ABLIM2: variants seen among roughly 807,000 people sequenced by gnomAD.
ABLIM2 encodes actin binding LIM protein family member 2, also known as actin-binding LIM protein 2.
ABLIM2 carries 53 observed loss-of-function variants against 97.7 expected under a neutral mutation model. That is an observed-to-expected ratio of 0.54 (90% confidence interval 0.44 to 0.68). The LOEUF (loss-of-function observed/expected upper bound fraction) is 0.68, where lower values mean the gene tolerates loss of function less well. Ranked by LOEUF, ABLIM2 falls within the 30% of genes least tolerant of loss-of-function variation. ABLIM2 has a pLI of 0.00. For missense variants in ABLIM2, 835 were observed against 867.2 expected (o/e 0.96, Z 0.47); for synonymous variants, 361 against 345.8 (o/e 1.04, Z -0.49).
At chr4:8,097,056 C>A in intron 3 of ABLIM2, 43 bp downstream of exon 3, 1 of 1,564,250 alleles carries the variant, frequency 6.4e-7, no homozygotes. Context: ...AGAAAAGGCC[C>A]AGAGAGGCAG....
At chr4:8,035,002 G>A (rs7435286) in intron 10 of ABLIM2, among the ~76,000 whole-genome samples, 105 of 116,944 alleles carry the variant, frequency 9.0e-4, no homozygotes, top group African/African-American at 3.0e-3. Flanking sequence ...AGGTCAGTGC[G>A]GGTGGGTGGT....
Position 8,130,561 on chromosome 4 carries a change from C to T in ABLIM2, c.11-23924G>A, listed in dbSNP as rs936127971. ...TGTGAGGTGGCGCCACGCTTGGCCCCGCATTACTGGGACTTGAAGGGAGGC... is the reference window on the plus strand; with the variant it reads ...TGTGAGGTGGCGCCACGCTTGGCCCTGCATTACTGGGACTTGAAGGGAGGC... On this transcript the variant is annotated intron_variant, in intron 1 of 20. Coordinates refer to ENST00000447017, the MANE Select transcript of ABLIM2 (RefSeq NM_001130083.2). The surrounding 1 kb of genome is among the most constrained non-coding windows in gnomAD (Gnocchi z 4.2). Among the ~76,000 whole-genome samples, 5 of 152,012 alleles carry T rather than the reference C, an allele frequency of 3.3e-5. No individual in the cohort carries two copies. Among genetic ancestry groups the T allele is most frequent in the Admixed American group, 2.0e-4 (3 of 15,276 alleles).
intron 6 of ABLIM2, among the ~76,000 whole-genome samples, chr4:8,064,145 C>T (rs1334739302): frequency 6.6e-6 from 1 of 152,222 alleles, no homozygotes; most frequent in Non-Finnish European, 1.5e-5. Context: ...GCCATTGCTC[C>T]ACAAGCGAGA....
In ABLIM2 at chr4:8,132,492, C is replaced by G. The variant is rs575870733; in HGVS notation, c.11-25855G>C. On this transcript the variant is annotated intron_variant, in intron 1 of 20. Transcript: ENST00000447017. This position sits in a 1 kb window ranked among gnomAD's most constrained non-coding sequence, Gnocchi z 8.0. ...CTGGAGAAGGACGCCCAGCCCTGGC[C>G]TTTCCTGAGCACTGGGCCCCCAGCT... is the stretch of plus-strand genomic sequence containing the variant. 5.7e-4 allele frequency among the ~76,000 whole-genome samples: 87 copies of G among 152,224 alleles called. No individual in the cohort carries two copies. The highest frequency in any genetic ancestry group is 2.0e-3 in the African/African-American group (83 of 41,526).
At chr4:8,141,282 A>C (rs1278812586) in intron 1 of ABLIM2, among the ~76,000 whole-genome samples, 2 of 152,130 alleles carry the variant, frequency 1.3e-5, no homozygotes, top group Non-Finnish European at 2.9e-5. Context: ...TAAGCAAACA[A>C]AAGCTATAAT....
At chr4:8,065,708 G>T (rs1806658884) in intron 6 of ABLIM2, among the ~76,000 whole-genome samples, 1 of 152,120 alleles carries the variant, frequency 6.6e-6, no homozygotes, top group African/African-American at 2.4e-5. Flanking sequence ...CAGATCACCA[G>T]AGGTCAGGAG....
intron 1 of ABLIM2, among the ~76,000 whole-genome samples, chr4:8,108,794 A>T (rs1371216181): frequency 6.6e-6 from 1 of 152,354 alleles, no homozygotes; most frequent in African/African-American, 2.4e-5. Flanking sequence ...CCCTTGCCAC[A>T]GCGGCTCTGA....
intron 3 of ABLIM2, among the ~76,000 whole-genome samples, chr4:8,090,184 G>A (rs1826383709): frequency 6.6e-6 from 1 of 152,208 alleles, no homozygotes; most frequent in South Asian, 2.1e-4. Flanking sequence ...CCGTGTCAAT[G>A]CTATGGTCTG....
intron 1 of ABLIM2, among the ~76,000 whole-genome samples, chr4:8,138,895 C>A (rs1353774220): frequency 6.6e-6 from 1 of 152,206 alleles, no homozygotes; most frequent in African/African-American, 2.4e-5. Flanking sequence ...TTCTGCACAG[C>A]AAAAGAAACT....
Position 8,155,611 on chromosome 4 carries a change from A to G in ABLIM2, c.10+3069T>C, listed in dbSNP as rs1715052829. ...TCTAAATTCATATGCTGAAGTCCTA[A>G]CCCCCAGTACTCCAGGATGTGACTA... is the stretch of plus-strand genomic sequence containing the variant. On this transcript the variant is annotated intron_variant, in intron 1 of 20. Coordinates refer to ENST00000447017, the MANE Select transcript of ABLIM2 (RefSeq NM_001130083.2). The surrounding 1 kb of genome is among the most constrained non-coding windows in gnomAD (Gnocchi z 4.2). 6.6e-6 allele frequency among the ~76,000 whole-genome samples: 1 copy of G among 151,836 alleles called. No homozygotes were observed. Among genetic ancestry groups the G allele is most frequent in the South Asian group, 2.1e-4 (1 of 4,810 alleles).
chr4:8,150,253 G>C lies in ABLIM2; in HGVS notation c.10+8427C>G, dbSNP rs145018683. The stretch of plus-strand genomic sequence containing the variant: ...GGGGACACTGAGGTCTGCAGAAGCA[G>C]AGGGTCAGAGAGACAGGCCAGGCTG... On this transcript the variant is annotated intron_variant, in intron 1 of 20. Coordinates refer to ENST00000447017, the MANE Select transcript of ABLIM2 (RefSeq NM_001130083.2). The surrounding 1 kb of genome is among the most constrained non-coding windows in gnomAD (Gnocchi z 6.3). Among the ~76,000 whole-genome samples the C allele has an allele frequency of 1.4e-4, 22 of 152,342 alleles. No individual in the cohort carries two copies. The highest frequency in any genetic ancestry group is 2.8e-4 in the Non-Finnish European group (19 of 68,032).
At position 8,005,305 on chromosome 4, in the gene ABLIM2, G is replaced by C. The variant is rs1194254228; in HGVS notation, c.1618+2754C>G. ...GGCGCCCCGCTCAGCGTCTGGCACA[G>C]AGTGGGTGCTCAATAAATACCCGTT... On this transcript the variant is annotated intron_variant, in intron 16 of 20. Transcript: ENST00000447017. This position sits in a 1 kb window ranked among gnomAD's most constrained non-coding sequence, Gnocchi z 4.9. 1.9e-6 allele frequency: 1 copy of C among 531,526 alleles called. No homozygotes were observed. Among genetic ancestry groups the C allele is most frequent in the Non-Finnish European group, 3.9e-6 (1 of 258,988 alleles). 32.9% of individuals were successfully genotyped at this position (531,526 alleles called of 1,614,324 possible).
chr4:8,156,508 G>A (rs1715413744), intron 1 of ABLIM2, among the ~76,000 whole-genome samples: 3 of 152,198 alleles, frequency 2.0e-5, no homozygotes, highest in South Asian at 4.1e-4. Flanking sequence ...GCATGGCCTC[G>A]ATCCACACCT....
intron 6 of ABLIM2, among the ~76,000 whole-genome samples, chr4:8,074,339 C>T (rs751501296): frequency 9.9e-5 from 15 of 152,196 alleles, no homozygotes; most frequent in African/African-American, 3.4e-4. Flanking sequence ...CCTGTAGTCC[C>T]GGCTACGTGG....
At chr4:8,110,502 C>G (rs375910472) in intron 1 of ABLIM2, among the ~76,000 whole-genome samples, 1 of 152,058 alleles carries the variant, frequency 6.6e-6, no homozygotes, top group Non-Finnish European at 1.5e-5. Context: ...GTTACCTGGC[C>G]CCAAGGATGC....
chr4:8,079,981 C>T (rs1002479878), intron 5 of ABLIM2, among the ~76,000 whole-genome samples: 3 of 152,208 alleles, frequency 2.0e-5, no homozygotes, highest in Non-Finnish European at 4.4e-5. Flanking sequence ...CCCTCACCTG[C>T]ACCATGCGGA....
intron 1 of ABLIM2, among the ~76,000 whole-genome samples, chr4:8,134,256 G>A (rs1849855641): frequency 6.6e-6 from 1 of 152,224 alleles, no homozygotes; most frequent in Non-Finnish European, 1.5e-5. Context: ...GCAGCCCCAG[G>A]GCAGGGTGAG....
intron 9 of ABLIM2, among the ~76,000 whole-genome samples, chr4:8,039,502 T>A (rs2151549556): frequency 6.6e-6 from 1 of 152,296 alleles, no homozygotes; most frequent in East Asian, 1.9e-4. Flanking sequence ...CTTGGGTGGT[T>A]GCCATGACAA....
intron 16 of ABLIM2, chr4:8,006,877 A>AGGG (rs35056915): frequency 9.2e-6 from 3 of 324,400 alleles, no homozygotes; most frequent in African/African-American, 2.3e-5. Flanking sequence ...GGATTTTTGC[A>AGGG]GGGGGGGGGT....
Sources: gnomAD v4.1 joint callset for allele counts (sites outside exome capture counted in the v4.1 genomes callset) on GRCh38, gnomAD v4.1.1 for gene constraint, Gnocchi (gnomAD v3.1) non-coding constraint, MANE v1.5 for transcripts, NCBI Gene and HGNC (gene_info 2026-07-23, HGNC 2026-07-21) for gene names.